Variants in GOLT1B observed in about 807,000 individuals in gnomAD.
GOLT1B encodes the protein vesicle transport protein GOT1B.
GOLT1B carries 3 observed loss-of-function variants against 15.4 expected under a neutral mutation model. The ratio of observed to expected loss-of-function variants is 0.19; its 90% CI spans 0.09 to 0.50. GOLT1B has a LOEUF of 0.50. Ranked by LOEUF, GOLT1B falls within the 20% of genes least tolerant of loss-of-function variation. GOLT1B has a pLI of 0.97. For missense variants in GOLT1B, 145 were observed against 160.4 expected (o/e 0.90, Z 0.52); for synonymous variants, 65 against 56.2 (o/e 1.16, Z -0.70).
chr12:21,509,766 A>G (rs1436557753), intron 3 of GOLT1B, among the ~76,000 whole-genome samples: 2 of 152,356 alleles, frequency 1.3e-5, no homozygotes, highest in Middle Eastern at 3.4e-3. Context: ...AAAGGGAACG[A>G]CAGTTAACAG....
Position 21,501,800 on chromosome 12 carries a change from C to A in GOLT1B, c.-124C>A, listed in dbSNP as rs186860602. On this transcript the variant is annotated 5_prime_UTR_variant, in exon 1 of 5. In the 5' UTR this introduces an upstream ATG that the reference lacks. Transcript: ENST00000229314. Reference sequence around the variant, plus strand: ...GCTCTTAAAGCGGCAGTGAGGGTGGCTGCGTGTTTCCGGAAGACGTGGCGG... The same window carrying A: ...GCTCTTAAAGCGGCAGTGAGGGTGGATGCGTGTTTCCGGAAGACGTGGCGG... 1,056 of 716,302 alleles carry A rather than the reference C, an allele frequency of 1.5e-3. 6 individuals are homozygous for A. The African/African-American group carries it at 0.016, about 11-fold the overall frequency. The allele number at this position is 716,302 out of a possible 1,614,324, so 44.4% of individuals were successfully genotyped here.
chr12:21,514,270 C>T (rs888068122), intron 4 of GOLT1B, among the ~76,000 whole-genome samples: 4 of 152,172 alleles, frequency 2.6e-5, no homozygotes, highest in African/African-American at 9.7e-5. Context: ...CAGTTAGGTT[C>T]AGGGAAGTTA....
intron 2 of GOLT1B, chr12:21,507,359 T>G (rs1009013905): frequency 4.8e-6 from 1 of 207,084 alleles, no homozygotes; most frequent in African/African-American, 2.4e-5. Context: ...ATAGATTTTT[T>G]TAACCTTTTT....
chr12:21,506,543 G>A (rs1195346696), intron 1 of GOLT1B, among the ~76,000 whole-genome samples: 2 of 152,014 alleles, frequency 1.3e-5, no homozygotes, highest in Admixed American at 1.3e-4. Flanking sequence ...ATACATTTAT[G>A]TCTGATGCGA....
chr12:21,501,869 C>G lies in GOLT1B; in HGVS notation c.-55C>G. On this transcript the variant is annotated 5_prime_UTR_variant, in exon 1 of 5. Coordinates refer to ENST00000229314, the MANE Select transcript of GOLT1B (RefSeq NM_016072.5). Reference sequence around the variant, plus strand: ...CCCGGCTTCATTTCTCCCGACTCAGCTTCCCACCCTGGGCTTTCCGAGGTG... The same window carrying G: ...CCCGGCTTCATTTCTCCCGACTCAGGTTCCCACCCTGGGCTTTCCGAGGTG... 7.6e-7 allele frequency: 1 copy of G among 1,323,602 alleles called. No homozygotes were observed. The highest frequency in any genetic ancestry group is 1.4e-5 in the African/African-American group (1 of 71,184). The allele number at this position is 1,323,602 out of a possible 1,614,324, so 82.0% of individuals were successfully genotyped here.
At chr12:21,506,762 G>T (rs540683042) in intron 1 of GOLT1B, 123 bp from the exon 2 acceptor site, 5 of 499,330 alleles carry the variant, frequency 1.0e-5, no homozygotes, top group Non-Finnish European at 1.8e-5. Flanking sequence ...AAGTTAACCT[G>T]CAATGTTGGG....
At chr12:21,515,052 C>T (rs1943746436) in intron 4 of GOLT1B, among the ~76,000 whole-genome samples, 1 of 150,864 alleles carries the variant, frequency 6.6e-6, no homozygotes, top group African/African-American at 2.4e-5. Flanking sequence ...AAGTAAATAA[C>T]CACTTACAGT....
Position 21,506,908 on chromosome 12 carries a change from T to A in GOLT1B, c.49T>A (p.Phe17Ile). ...TQKIGMGLTGFGVFFLFFGMI... is the reference protein window; with the variant it reads ...TQKIGMGLTGIGVFFLFFGMI... ...AGAAATTGGAATGGGATTAACAGGA[T>A]TTGGAGTGTTTTTCCTGTTCTTTGG... Residue 17 changes from phenylalanine to isoleucine, a missense_variant, in exon 2 of 5, where the codon TTT becomes ATT. Phe to Ile is a conservative substitution (Grantham distance 21). Transcript: ENST00000229314. The A allele has an allele frequency of 6.7e-7, 1 of 1,483,358 alleles. No individual in the cohort carries two copies. The highest frequency in any genetic ancestry group is 9.4e-7 in the Non-Finnish European group (1 of 1,063,498). The allele number at this position is 1,483,358 out of a possible 1,614,324, so 91.9% of individuals were successfully genotyped here. A position where few individuals can be genotyped will look rare whatever the true frequency, so the allele number is the denominator to read the frequency against.
At chr12:21,511,600 A>G (rs1176479246) in intron 3 of GOLT1B, among the ~76,000 whole-genome samples, 1 of 152,208 alleles carries the variant, frequency 6.6e-6, no homozygotes, top group African/African-American at 2.4e-5. Flanking sequence ...GCTGCCAACC[A>G]TTGATGATAA....
At position 21,518,403 on chromosome 12, in the gene GOLT1B, T is replaced by C. The variant is rs1943771365; in HGVS notation, c.*2696T>C. On this transcript the variant is annotated 3_prime_UTR_variant, in exon 5 of 5. Coordinates refer to ENST00000229314, the MANE Select transcript of GOLT1B (RefSeq NM_016072.5). ...TTACCTTGGGCAATATGCTATTTTTTAAAAATCAGACTCCCAGTTTGTATA... is the reference window on the plus strand; with the variant it reads ...TTACCTTGGGCAATATGCTATTTTTCAAAAATCAGACTCCCAGTTTGTATA... 1 of 152,144 alleles carries C rather than the reference T, an allele frequency of 6.6e-6. No individual in the cohort carries two copies. Among genetic ancestry groups the C allele is most frequent in the African/African-American group, 2.4e-5 (1 of 41,446 alleles). The allele number at this position is 152,144 out of a possible 1,614,324, so 9.4% of individuals were successfully genotyped here.
chr12:21,515,360 G>GCTAGCAGTGTTAT lies in GOLT1B; in HGVS notation c.379-306_379-294dup, dbSNP rs1246990262. 6.1e-6 allele frequency: 4 copies of GCTAGCAGTGTTAT among 660,734 alleles called. No homozygotes were observed. The East Asian group carries it at 1.1e-4, about 19-fold the overall frequency. 40.9% of individuals were successfully genotyped at this position (660,734 alleles called of 1,614,324 possible). On this transcript the variant is annotated intron_variant, in intron 4 of 4. Transcript: ENST00000229314. Reference sequence around the variant, plus strand: ...GTTTTTATTTTTTATTTTTTGTTAAGCTAGCAGTGTTATCTTCATCTTATA... The same window carrying GCTAGCAGTGTTAT: ...GTTTTTATTTTTTATTTTTTGTTAAGCTAGCAGTGTTATCTAGCAGTGTTATCTTCATCTTATA...
chr12:21,513,317 C>A (rs1277770129), intron 4 of GOLT1B, among the ~76,000 whole-genome samples: 1 of 152,036 alleles, frequency 6.6e-6, no homozygotes, highest in African/African-American at 2.4e-5. Flanking sequence ...ACAAATGTTT[C>A]GTACTAAACT....
chr12:21,515,744 G>A lies in GOLT1B; in HGVS notation c.*37G>A. Reference sequence around the variant, plus strand: ...TTTGAAGACTCATTTAAAATATTGTGTTATTTATAAAGTCATTTGAAGAAT... The same window carrying A: ...TTTGAAGACTCATTTAAAATATTGTATTATTTATAAAGTCATTTGAAGAAT... On this transcript the variant is annotated 3_prime_UTR_variant, in exon 5 of 5. Transcript: ENST00000229314. 1 of 916,128 alleles carries A rather than the reference G, an allele frequency of 1.1e-6. No homozygotes were observed. Among genetic ancestry groups the A allele is most frequent in the East Asian group, 2.5e-5 (1 of 40,732 alleles). The allele number at this position is 916,128 out of a possible 1,614,324, so 56.7% of individuals were successfully genotyped here.
chr12:21,514,558 T>C lies in GOLT1B; in HGVS notation c.379-1111T>C, dbSNP rs570934786. ...AATTCTAATAAATCCATGAATTCTTTGAGAGCAACTTTTAGTTTCAGTGGC... is the reference window on the plus strand; with the variant it reads ...AATTCTAATAAATCCATGAATTCTTCGAGAGCAACTTTTAGTTTCAGTGGC... On this transcript the variant is annotated intron_variant, in intron 4 of 4. Coordinates refer to ENST00000229314, the MANE Select transcript of GOLT1B (RefSeq NM_016072.5). Among the ~76,000 whole-genome samples the C allele has an allele frequency of 6.6e-4, 100 of 152,326 alleles. No homozygotes were observed. The Middle Eastern group carries it at 0.01, about 16-fold the overall frequency.
intron 4 of GOLT1B, among the ~76,000 whole-genome samples, chr12:21,512,905 C>G (rs765864131): frequency 6.6e-6 from 1 of 151,674 alleles, no homozygotes; most frequent in South Asian, 2.1e-4. Flanking sequence ...TCTCTACCCC[C>G]GCAAATACAA....
chr12:21,513,070 C>CAAA (rs58392364), intron 4 of GOLT1B, among the ~76,000 whole-genome samples: 2 of 110,396 alleles, frequency 1.8e-5, no homozygotes, highest in African/African-American at 6.9e-5. Flanking sequence ...GACCCTGTCT[C>CAAA]AAAAAAAAAA....
intron 3 of GOLT1B, among the ~76,000 whole-genome samples, chr12:21,508,919 A>AGATCGATC (rs59696892): frequency 1.2e-3 from 185 of 151,386 alleles, no homozygotes; most frequent in Non-Finnish European, 1.7e-3. Flanking sequence ...ATAGATAGAT[A>AGATCGATC]GATCCAGCAT....
intron 4 of GOLT1B, chr12:21,515,190 C>G (rs1943747229): frequency 1.0e-6 from 1 of 976,462 alleles, no homozygotes; most frequent in Non-Finnish European, 1.6e-6. Context: ...TAGTCAATAA[C>G]TGTTGTTAAC....
At chr12:21,512,490 G>A (rs946016436) in intron 4 of GOLT1B, 114 bp downstream of exon 4, 2 of 671,146 alleles carry the variant, frequency 3.0e-6, no homozygotes, top group African/African-American at 1.8e-5. Flanking sequence ...TTATGATATA[G>A]TTACTTCACA....
Sources: gnomAD v4.1 joint callset for allele counts (sites outside exome capture counted in the v4.1 genomes callset) on GRCh38, gnomAD v4.1.1 for gene constraint, MANE v1.5 for transcripts, NCBI Gene and HGNC (gene_info 2026-07-23, HGNC 2026-07-21) for gene names.